Variants in IMMT observed in about 807,000 individuals in gnomAD.
IMMT encodes the protein inner membrane mitochondrial protein.
In IMMT, 40 loss-of-function variants were observed where a neutral mutation model predicts 92.7. The ratio of observed to expected loss-of-function variants is 0.43; its 90% confidence interval spans 0.34 to 0.56. IMMT has a LOEUF of 0.56. IMMT is among the 20% of genes least tolerant of loss of function. The probability of loss-of-function intolerance (pLI) is 0.03; values close to 1 mark genes in which losing one functional copy is unlikely to be tolerated. For missense variants in IMMT, 831 were observed against 912.1 expected (o/e 0.91, Z 1.14); for synonymous variants, 322 against 336.1 (o/e 0.96, Z 0.46).
intron 7 of IMMT, among the ~76,000 whole-genome samples, chr2:86,164,074 T>TTTTTTTAGGTTGG (rs869251997): frequency 8.6e-6 from 1 of 116,270 alleles, no homozygotes; most frequent in Non-Finnish European, 1.9e-5. Flanking sequence ...TTTTTTTTTT[T>TTTTTTTAGGTTGG]GAGATGGAGT....
In IMMT at chr2:86,147,902, C is replaced by T. The variant is rs1339126341; in HGVS notation, c.1402-69G>A. ...ATATACTTTTAGGAAAACAGAAAGA[C>T]CACTATCAACCATGACAACAGCAGC... On this transcript the variant is annotated intron_variant, in intron 12 of 14. Coordinates refer to ENST00000410111, the MANE Select transcript of IMMT (RefSeq NM_006839.3). 1.0e-5 allele frequency: 15 copies of T among 1,478,216 alleles called. No homozygotes were observed. In the Admixed American group the frequency reaches 1.1e-4, roughly 11 times the overall value. 91.6% of individuals were successfully genotyped at this position (1,478,216 alleles called of 1,614,324 possible).
intron 12 of IMMT, among the ~76,000 whole-genome samples, chr2:86,148,492 G>A (rs955493562): frequency 1.3e-5 from 2 of 152,002 alleles, no homozygotes; most frequent in East Asian, 3.9e-4. Flanking sequence ...GGTGCCTGTA[G>A]TCCCAGCTAC....
rs1045688868 is a variant in IMMT at position 86,195,344 on chromosome 2, G to C, written c.39C>G (p.Ala13=). 8 of 1,549,174 alleles carry C rather than the reference G, an allele frequency of 5.2e-6. No homozygotes were observed. Among genetic ancestry groups the C allele is most frequent in the Non-Finnish European group, 6.1e-6 (7 of 1,146,202 alleles). The stretch of plus-strand genomic sequence containing the variant: ...CGGGAGCCCCAGTGCTCACCTGGGC[G>C]GCGGCGGTCACACCCGATAACTGAC... ...RACQLSGVTA[A]AQSCLCGKFV... is the part of the protein sequence containing the mutation. Residue 13 remains alanine, a synonymous_variant, in exon 1 of 15, where the codon GCC becomes GCG. Transcript: ENST00000410111.
rs568826395 is a variant in IMMT at position 86,144,422 on chromosome 2, T to G, written c.2123A>C (p.Lys708Thr). Residue 708 changes from lysine to threonine, a missense_variant, in exon 15 of 15, where the codon AAG becomes ACG. Coordinates refer to ENST00000410111, the MANE Select transcript of IMMT (RefSeq NM_006839.3). ...TTCCCCCTTCAGCTGATTGACAAAC[T>G]TTGCTGCTAGCTCCAGATCACCATG... ...IEHGDLELAAKFVNQLKGESR... is the reference protein window; with the variant it reads ...IEHGDLELAATFVNQLKGESR... 1 of 1,613,938 alleles carries G rather than the reference T, an allele frequency of 6.2e-7. No homozygotes were observed. The highest frequency in any genetic ancestry group is 2.2e-5 in the East Asian group (1 of 44,886).
Position 86,151,513 on chromosome 2 carries a change from C to T in IMMT, c.1185G>A (p.Lys395=). The change falls in exon 12 of 15, where the codon AAG becomes AAA. Residue 395 remains lysine (K), a synonymous_variant. Coordinates refer to ENST00000410111, the MANE Select transcript of IMMT (RefSeq NM_006839.3). The part of the protein sequence containing the change: ...KGMSVSDLAD[K]LSTDDLNSLI... ...GGGAGTTCAGATCATCAGTAGAGAGCTTGTCAGCTAAGCAAAAGAGCATGT... is the reference window on the plus strand; with the variant it reads ...GGGAGTTCAGATCATCAGTAGAGAGTTTGTCAGCTAAGCAAAAGAGCATGT... The T allele has an allele frequency of 1.2e-6, 2 of 1,611,982 alleles. No homozygotes were observed. The highest frequency in any genetic ancestry group is 1.7e-6 in the Non-Finnish European group (2 of 1,178,078).
rs1456400001 is a variant in IMMT, at chr2:86,175,451, TTTGGTACTATC to T, written c.310-1701_310-1691del. 3.9e-5 allele frequency among the ~76,000 whole-genome samples: 6 copies of T among 152,258 alleles called. No individual in the cohort carries two copies. In the East Asian group the frequency reaches 7.7e-4, roughly 20 times the overall value. On this transcript the variant is annotated intron_variant, in intron 3 of 14. Coordinates refer to ENST00000410111, the MANE Select transcript of IMMT (RefSeq NM_006839.3). ...TAATTTGGTACTATCTTAATATATA[TTTGGTACTATC>T]TTGGTACTATCTTTAATGACATACA...
At chr2:86,150,160 A>G (rs776573450) in intron 12 of IMMT, among the ~76,000 whole-genome samples, 9 of 152,312 alleles carry the variant, frequency 5.9e-5, no homozygotes, top group Non-Finnish European at 1.3e-4. Flanking sequence ...ATCTGTTTGG[A>G]GCATGATAAG....
In IMMT at chr2:86,145,038, G is replaced by A. The variant is rs1290787514; in HGVS notation, c.1664-157C>T. Among the ~76,000 whole-genome samples, 4 of 149,356 alleles carry A rather than the reference G, an allele frequency of 2.7e-5. No individual in the cohort carries two copies. The South Asian group carries it at 6.4e-4, about 24-fold the overall frequency. ...CCCACCCCCACCACTTATTTCTGGTGTATTTTCCTAGCTGGCCTCTTCATA... is the reference window on the plus strand; with the variant it reads ...CCCACCCCCACCACTTATTTCTGGTATATTTTCCTAGCTGGCCTCTTCATA... On this transcript the variant is annotated intron_variant, in intron 14 of 14. Coordinates refer to ENST00000410111, the MANE Select transcript of IMMT (RefSeq NM_006839.3).
intron 1 of IMMT, 65 bp from the exon 2 acceptor site, chr2:86,181,437 T>C (rs1672430125): frequency 3.7e-6 from 4 of 1,090,168 alleles, no homozygotes; most frequent in Non-Finnish European, 5.6e-6. Flanking sequence ...TTAGGGTTGG[T>C]AATACAGAAA....
chr2:86,149,513 G>A (rs74381597), intron 12 of IMMT, among the ~76,000 whole-genome samples: 4,200 of 152,214 alleles, frequency 0.028, 95 homozygotes, highest in East Asian at 0.099. Flanking sequence ...CAGAAAGAAG[G>A]GTATGAAGAA....
intron 3 of IMMT, among the ~76,000 whole-genome samples, chr2:86,176,065 T>C (rs761828689): frequency 6.6e-6 from 1 of 152,196 alleles, no homozygotes; most frequent in Non-Finnish European, 1.5e-5. Flanking sequence ...GACCCAGAGA[T>C]AAGGCTGCAA....
chr2:86,189,873 T>C (rs1041073509), intron 1 of IMMT, among the ~76,000 whole-genome samples: 6 of 152,246 alleles, frequency 3.9e-5, no homozygotes, highest in South Asian at 2.1e-4. Flanking sequence ...AGTTTTTACA[T>C]TGAAATTTTA....
intron 1 of IMMT, 25 bp downstream of exon 1, chr2:86,195,313 C>T (rs779818492): frequency 6.5e-7 from 1 of 1,531,368 alleles, no homozygotes; most frequent in Non-Finnish European, 8.8e-7. Flanking sequence ...CCTCCTCACG[C>T]GCCTCCGGGA....
At chr2:86,174,545 T>C (rs938599939) in intron 3 of IMMT, among the ~76,000 whole-genome samples, 1 of 152,218 alleles carries the variant, frequency 6.6e-6, no homozygotes, top group African/African-American at 2.4e-5. Flanking sequence ...AATGCCAAGA[T>C]ATATCAGTGG....
In IMMT at chr2:86,173,121, AAC is replaced by A. The variant is rs1305580044; in HGVS notation, c.421+527_421+528del. 2.0e-5 allele frequency among the ~76,000 whole-genome samples: 3 copies of A among 152,392 alleles called. No homozygotes were observed. In the East Asian group the frequency reaches 5.8e-4, roughly 29 times the overall value. On this transcript the variant is annotated intron_variant, in intron 4 of 14. Coordinates refer to ENST00000410111, the MANE Select transcript of IMMT (RefSeq NM_006839.3). ...AGGTGATTTAATCAAGGACAGACAC[AAC>A]AAAGGAGAAACATAAGAAGTTCAAA...
chr2:86,157,936 C>T (rs932330453), intron 10 of IMMT, among the ~76,000 whole-genome samples: 10 of 151,310 alleles, frequency 6.6e-5, no homozygotes, highest in Non-Finnish European at 1.2e-4. Context: ...GCCTGGGCAA[C>T]GACAAAAAAA....
chr2:86,173,760 A>G lies in IMMT; in HGVS notation c.311T>C (p.Ile104Thr). The G allele has an allele frequency of 6.6e-7, 1 of 1,511,074 alleles. No homozygotes were observed. The highest frequency in any genetic ancestry group is 9.1e-7 in the Non-Finnish European group (1 of 1,093,356). 93.6% of individuals were successfully genotyped at this position (1,511,074 alleles called of 1,614,324 possible). A position where few individuals can be genotyped will look rare whatever the true frequency, so the allele number is the denominator to read the frequency against. The change falls in exon 4 of 15, where the codon ATT becomes ACT. Residue 104 changes from isoleucine to threonine, a missense_variant and splice_region_variant. Coordinates refer to ENST00000410111, the MANE Select transcript of IMMT (RefSeq NM_006839.3). The stretch of plus-strand genomic sequence containing the variant: ...AGAGATTTTTAGTGGACCCGACTGA[A>G]TCTTGGAAATAAAAAACATTTAACA... ...AYNVPLPKKS[I>T]QSGPLKISSV...
chr2:86,148,371 G>A (rs1675194279), intron 12 of IMMT, among the ~76,000 whole-genome samples: 1 of 152,154 alleles, frequency 6.6e-6, no homozygotes, highest in Admixed American at 6.5e-5. Flanking sequence ...CACTTTGGGA[G>A]GCTGAGGCAG....
At chr2:86,179,198 T>C (rs1269436708) in intron 3 of IMMT, among the ~76,000 whole-genome samples, 1 of 152,230 alleles carries the variant, frequency 6.6e-6, no homozygotes, top group Non-Finnish European at 1.5e-5. Flanking sequence ...ATGTATTAGA[T>C]ATTACATCTA....
Sources: allele counts gnomAD v4.1 joint callset (sites outside exome capture counted in the v4.1 genomes callset), GRCh38; gene constraint gnomAD v4.1.1; transcripts MANE v1.5; gene names NCBI Gene and HGNC (gene_info 2026-07-23, HGNC 2026-07-21).